Variants in CORO7 observed in about 807,000 individuals in gnomAD.
The protein encoded by CORO7 is coronin-7.
Under a neutral mutation model 126.6 loss-of-function variants are expected in CORO7, and 107 were observed. That is an observed-to-expected ratio of 0.85 (90% CI 0.72 to 0.99). The LOEUF (loss-of-function observed/expected upper bound fraction) is 0.99, where lower values mean the gene tolerates loss of function less well. Among genes scored for constraint, CORO7 ranks in the 50% least tolerant of loss-of-function variants. CORO7 has a pLI of 0.00. For synonymous variants in CORO7, 603 were observed against 536.8 expected (o/e 1.12, Z -1.70); for missense variants, 1,314 against 1,255.8 (o/e 1.05, Z -0.70).
intron 23 of CORO7, 128 bp from the exon 24 acceptor site, chr16:4,358,611 C>A (rs1048950593): frequency 5.2e-6 from 4 of 776,196 alleles, no homozygotes; most frequent in African/African-American, 3.6e-5. Flanking sequence ...TGGACAGTAA[C>A]GTGTTGATCA....
At chr16:4,405,253 C>T (rs866752524) in intron 6 of CORO7, among the ~76,000 whole-genome samples, 9 of 152,338 alleles carry the variant, frequency 5.9e-5, no homozygotes, top group Admixed American at 5.2e-4. Flanking sequence ...GACATTAGGG[C>T]GCAAACCAGG....
At chr16:4,364,494 G>C in intron 13 of CORO7, 81 bp from the exon 14 acceptor site, 1 of 1,485,098 alleles carries the variant, frequency 6.7e-7, no homozygotes, top group Non-Finnish European at 9.0e-7. Flanking sequence ...CAACTGGGTA[G>C]GGATGGGGGG....
rs571407310 is a variant in CORO7, at chr16:4,379,233, T to C, written c.785+8753A>G. On this transcript the variant is annotated intron_variant, in intron 9 of 27. Transcript: ENST00000251166. Reference sequence around the variant, plus strand: ...GACTCCAGCACAAAGGGCTCTTGTGTGAGCTGCAGGCGCCACTGGGCAGGA... The same window carrying C: ...GACTCCAGCACAAAGGGCTCTTGTGCGAGCTGCAGGCGCCACTGGGCAGGA... Among the ~76,000 whole-genome samples, 10 of 152,140 alleles carry C rather than the reference T, an allele frequency of 6.6e-5. No homozygotes were observed. In the South Asian group the frequency reaches 2.1e-3, roughly 32 times the overall value.
At chr16:4,381,141 C>A (rs571697999) in intron 9 of CORO7, 3 of 1,610,326 alleles carry the variant, frequency 1.9e-6, no homozygotes, top group Non-Finnish European at 2.5e-6. Flanking sequence ...AGAACCAGAT[C>A]GCCAGCCTGC....
chr16:4,383,567 G>A (rs1430748278), intron 9 of CORO7: 1 of 165,966 alleles, frequency 6.0e-6, no homozygotes, highest in Non-Finnish European at 1.5e-5. Context: ...TGGGTGGAGG[G>A]AGATGAAGAA....
intron 10 of CORO7, 72 bp downstream of exon 10, chr16:4,365,417 CCT>C (rs2054317671): frequency 6.5e-7 from 1 of 1,542,696 alleles, no homozygotes; most frequent in Non-Finnish European, 8.8e-7. Context: ...TCGAGTTCCT[CCT>C]CTCTCTTGGG....
In CORO7 at chr16:4,412,382, C is replaced by T. The variant is rs147749439; in HGVS notation, c.206G>A (p.Arg69His). 8.3e-5 allele frequency: 134 copies of T among 1,614,098 alleles called. No homozygotes were observed. In the African/African-American group the frequency reaches 9.6e-4, roughly 12 times the overall value. ...PLQGQGEDKR[R>H]VAHLGCHSDL... is the part of the protein sequence containing the mutation. Reference sequence around the variant, plus strand: ...TGAATGGCAGCCCAGGTGGGCCACGCGTCGCTTGTCCTCTCCTTGGCCTTG... The same window carrying T: ...TGAATGGCAGCCCAGGTGGGCCACGTGTCGCTTGTCCTCTCCTTGGCCTTG... Residue 69 changes from arginine (R) to histidine (H), a missense_variant, in exon 3 of 28, where the codon CGC becomes CAC. By Grantham distance (29) the Arg-to-His change is conservative. Coordinates refer to ENST00000251166, the MANE Select transcript of CORO7 (RefSeq NM_024535.5).
At chr16:4,381,470 G>T in intron 9 of CORO7, 2 of 1,582,012 alleles carry the variant, frequency 1.3e-6, no homozygotes, top group East Asian at 2.3e-5. Flanking sequence ...GAGGCGCTGC[G>T]GCTGGCTGGT....
intron 9 of CORO7, among the ~76,000 whole-genome samples, chr16:4,376,914 C>T (rs1178474300): frequency 1.3e-5 from 2 of 152,216 alleles, no homozygotes; most frequent in African/African-American, 4.8e-5. Flanking sequence ...GTAGTACCCA[C>T]GCCCAGGGGG....
At chr16:4,356,962 C>A in intron 26 of CORO7, 1 of 687,752 alleles carries the variant, frequency 1.5e-6, no homozygotes, top group Non-Finnish European at 2.4e-6. Context: ...CTGGCCAGGG[C>A]AGGGCTCCCA....
intron 6 of CORO7, among the ~76,000 whole-genome samples, chr16:4,403,941 G>T (rs75009219): frequency 6.6e-6 from 1 of 152,102 alleles, no homozygotes; most frequent in South Asian, 2.1e-4. Flanking sequence ...CTGGGAAGCC[G>T]TCCCCAGCAG....
At chr16:4,366,485 GA>G (rs2054352364) in intron 9 of CORO7, among the ~76,000 whole-genome samples, 1 of 151,296 alleles carries the variant, frequency 6.6e-6, no homozygotes, top group Non-Finnish European at 1.5e-5. Context: ...GACTCTGACA[GA>G]TGCCCAGATG....
chr16:4,382,119 C>A, intron 9 of CORO7: 1 of 1,588,014 alleles, frequency 6.3e-7, no homozygotes, highest in Admixed American at 1.7e-5. Flanking sequence ...CGTCCACCTG[C>A]CTCAATGGGG....
At position 4,407,550 on chromosome 16, in the gene CORO7, T is replaced by G. The variant is rs2056045516; in HGVS notation, c.438A>C (p.Ala146=). 4 of 1,581,594 alleles carry G rather than the reference T, an allele frequency of 2.5e-6. No individual in the cohort carries two copies. The part of the protein sequence containing the change: ...PTSDGILVSA[A]GTTVKVWDAA... The stretch of plus-strand genomic sequence containing the variant: ...CGTCCCAGACCTTCACAGTGGTGCC[T>G]GCTGCGCTCACCAGAATGCCGTCAG... The change falls in exon 5 of 28, where the codon GCA becomes GCC. Residue 146 remains alanine, a synonymous_variant. Transcript: ENST00000251166.
chr16:4,391,853 C>G (rs1255746630), intron 7 of CORO7, among the ~76,000 whole-genome samples: 1 of 152,212 alleles, frequency 6.6e-6, no homozygotes, highest in Non-Finnish European at 1.5e-5. Flanking sequence ...CCAAGAGGGC[C>G]CCCACCACCT....
intron 2 of CORO7, 158 bp from the exon 3 acceptor site, chr16:4,412,588 G>T: frequency 4.2e-6 from 3 of 714,478 alleles, no homozygotes; most frequent in Non-Finnish European, 7.0e-6. Flanking sequence ...GCAATGGCCT[G>T]TGGGTAGGTT....
At chr16:4,393,808 T>G (rs1405599637) in intron 7 of CORO7, among the ~76,000 whole-genome samples, 1 of 152,174 alleles carries the variant, frequency 6.6e-6, no homozygotes, top group Non-Finnish European at 1.5e-5. Context: ...TTTTTAGAAA[T>G]GTAAATCCAT....
At chr16:4,388,714 C>A in intron 7 of CORO7, 83 bp from the exon 8 acceptor site, 1 of 1,423,866 alleles carries the variant, frequency 7.0e-7, no homozygotes, top group South Asian at 1.2e-5. Context: ...AGCTGGGGAA[C>A]TTCTGCTGCC....
intron 9 of CORO7, chr16:4,381,643 C>A: frequency 6.3e-7 from 1 of 1,599,860 alleles, no homozygotes; most frequent in Non-Finnish European, 8.5e-7. Context: ...TGCCCAGCTG[C>A]GGCCCGAGGA....
Sources: gnomAD v4.1 joint callset for allele counts (sites outside exome capture counted in the v4.1 genomes callset) on GRCh38, gnomAD v4.1.1 for gene constraint, MANE v1.5 for transcripts, NCBI Gene and HGNC (gene_info 2026-07-23, HGNC 2026-07-21) for gene names.